Variants in ACAD8 observed in about 807,000 individuals in gnomAD.
ACAD8 encodes the protein acyl-CoA dehydrogenase family member 8, also known as isobutyryl-CoA dehydrogenase, mitochondrial.
A neutral mutation model predicts 53.1 loss-of-function variants in ACAD8; 47 were observed. That is an observed-to-expected ratio of 0.89 (90% CI 0.70 to 1.13). The LOEUF (loss-of-function observed/expected upper bound fraction) is 1.13, where lower values mean the gene tolerates loss of function less well. ACAD8 is among the 50% of genes most tolerant of loss of function. The probability of loss-of-function intolerance (pLI) is 0.00; values close to 1 mark genes in which losing one functional copy is unlikely to be tolerated. For missense variants in ACAD8, 494 were observed against 535.0 expected, an observed-to-expected ratio of 0.92 and a Z score of 0.76; for synonymous variants, 198 against 201.3, an observed-to-expected ratio of 0.98 and a Z score of 0.14.
At chr11:134,260,211 G>A in intron 6 of ACAD8, 2 of 1,088,846 alleles carry the variant, frequency 1.8e-6, no homozygotes, top group East Asian at 1.5e-4. Context: ...CTTAGGTACT[G>A]TAAGTAATTT....
intron 10 of ACAD8, chr11:134,264,181 T>A (rs1393256905): frequency 2.2e-5 from 9 of 401,236 alleles, no homozygotes; most frequent in Non-Finnish European, 3.0e-5. Context: ...CCCGACTGTC[T>A]AAAATTATAA....
chr11:134,255,194 T>G (rs1939436046), intron 1 of ACAD8, among the ~76,000 whole-genome samples: 1 of 152,202 alleles, frequency 6.6e-6, no homozygotes, highest in Admixed American at 6.5e-5. Context: ...TGGAGTACAG[T>G]GGTGCGATCT....
At chr11:134,260,855 G>C in intron 6 of ACAD8, 189 bp from the exon 7 acceptor site, 2 of 638,798 alleles carry the variant, frequency 3.1e-6, no homozygotes, top group East Asian at 5.5e-5. Flanking sequence ...AAAATGTTTA[G>C]CTGAAACAGG....
rs752588911 is a variant in ACAD8, at chr11:134,265,196, T to A, written c.*236T>A. On this transcript the variant is annotated 3_prime_UTR_variant, in exon 11 of 11. Coordinates refer to ENST00000281182, the MANE Select transcript of ACAD8 (RefSeq NM_014384.3). ...AAACATCAGAAGAACACATACTACC[T>A]TGTTTTCCTAATGCCAGAAGGGTGA... The A allele has an allele frequency of 4.7e-5, 27 of 575,152 alleles. No individual in the cohort carries two copies. Among genetic ancestry groups the A allele is most frequent in the Non-Finnish European group, 7.4e-5 (24 of 323,440 alleles). 35.6% of individuals were successfully genotyped at this position (575,152 alleles called of 1,614,324 possible).
rs950055547 is a variant in ACAD8 at position 134,261,256 on chromosome 11, C to T, written c.842-19C>T. The T allele has an allele frequency of 2.3e-5, 37 of 1,613,928 alleles. No individual in the cohort carries two copies. The highest frequency in any genetic ancestry group is 2.0e-4 in the Admixed American group (12 of 60,010). The stretch of plus-strand genomic sequence containing the variant: ...CTGTTTTCCAGCTTGGTTGGAACGT[C>T]GGCGCTCTTCCCCTCTAGCTTCCTG... On this transcript the variant is annotated intron_variant, in intron 7 of 10. Transcript: ENST00000281182. The surrounding 1 kb of genome is among the most constrained non-coding windows in gnomAD (Gnocchi z 4.2).
chr11:134,261,857 G>A lies in ACAD8; in HGVS notation c.1059G>A (p.Met353Ile). The A allele has an allele frequency of 6.2e-7, 1 of 1,614,156 alleles. No homozygotes were observed. The highest frequency in any genetic ancestry group is 1.1e-5 in the South Asian group (1 of 91,078). The change falls in exon 9 of 11, where the codon ATG (methionine) becomes ATA (isoleucine). Residue 353 changes from methionine to isoleucine, a missense_variant. By Grantham distance (10) the Met-to-Ile change is conservative (BLOSUM62 1). Coordinates refer to ENST00000281182, the MANE Select transcript of ACAD8 (RefSeq NM_014384.3). This position sits in a 1 kb window ranked among gnomAD's most constrained non-coding sequence, Gnocchi z 4.2. ...ERKDAVALCS[M>I]AKLFATDECF... The stretch of plus-strand genomic sequence containing the variant: ...AGGATGCAGTGGCCTTGTGCTCCAT[G>A]GCCAAGCTCTTTGCTACAGATGAAT...
At chr11:134,256,518 C>A in intron 1 of ACAD8, 30 bp from the exon 2 acceptor site, 1 of 1,590,758 alleles carries the variant, frequency 6.3e-7, no homozygotes, top group Admixed American at 1.7e-5. Context: ...TGACCCTGTC[C>A]TAGAACAGTA....
intron 6 of ACAD8, chr11:134,259,980 G>C (rs931596089): frequency 1.5e-6 from 2 of 1,372,810 alleles, no homozygotes; most frequent in Non-Finnish European, 1.9e-6. Context: ...CCACCTGTGA[G>C]TGTTCTGACC....
chr11:134,258,910 G>A, intron 4 of ACAD8, 98 bp from the exon 5 acceptor site: 1 of 1,104,904 alleles, frequency 9.1e-7, no homozygotes, highest in South Asian at 1.2e-5. Context: ...AGCAGGGTCT[G>A]TTTAGAGAAG....
intron 10 of ACAD8, chr11:134,264,131 G>T (rs1309375888): frequency 1.2e-6 from 1 of 864,294 alleles, no homozygotes; most frequent in African/African-American, 1.8e-5. Flanking sequence ...GATCGCGTGA[G>T]GCCAGGAGTT....
chr11:134,261,324 C>G lies in ACAD8; in HGVS notation c.891C>G (p.Asp297Glu). The change falls in exon 8 of 11, where the codon GAC becomes GAG. Residue 297 changes from aspartate (D) to glutamate (E), a missense_variant. Transcript: ENST00000281182. The surrounding 1 kb of genome is among the most constrained non-coding windows in gnomAD (Gnocchi z 4.2). Reference sequence around the variant, plus strand: ...ACGCCTCTGTCATCCTCACCCGAGACCACCTCAATGTCCGGAAGCAGTTTG... The same window carrying G: ...ACGCCTCTGTCATCCTCACCCGAGAGCACCTCAATGTCCGGAAGCAGTTTG... ...AAHASVILTR[D>E]HLNVRKQFGE... 6.2e-7 allele frequency: 1 copy of G among 1,614,206 alleles called. No individual in the cohort carries two copies. The highest frequency in any genetic ancestry group is 2.2e-5 in the East Asian group (1 of 44,868).
chr11:134,258,658 G>A (rs780776705), intron 4 of ACAD8, 34 bp downstream of exon 4: 2 of 1,482,226 alleles, frequency 1.3e-6, no homozygotes, highest in South Asian at 2.3e-5. Context: ...GATATAGCAG[G>A]GAGAGATGCT....
intron 5 of ACAD8, 48 bp from the exon 6 acceptor site, chr11:134,259,560 A>G: frequency 6.2e-7 from 1 of 1,613,272 alleles, no homozygotes; most frequent in Non-Finnish European, 8.5e-7. Flanking sequence ...AGACGCTGTG[A>G]GAACTCAAGC....
chr11:134,254,664 A>G (rs904622049), intron 1 of ACAD8, among the ~76,000 whole-genome samples: 5 of 152,190 alleles, frequency 3.3e-5, no homozygotes, highest in African/African-American at 9.7e-5. Context: ...GATAACCCAG[A>G]TTACCCTGGT....
chr11:134,253,809 G>A, intron 1 of ACAD8, 100 bp downstream of exon 1: 1 of 1,258,118 alleles, frequency 7.9e-7, no homozygotes, highest in Non-Finnish European at 1.1e-6. Flanking sequence ...AGTCACCCCG[G>A]CGTCAGCTCC....
rs373137884 is a variant in ACAD8 at position 134,258,956 on chromosome 11, G to A, written c.491-52G>A. On this transcript the variant is annotated intron_variant, in intron 4 of 10. Transcript: ENST00000281182. ...AGATAGAATTGTGCTGGGCTCCCTC[G>A]ACCTCACTGACTTTCTCACCTTCTC... The A allele has an allele frequency of 1.3e-4, 191 of 1,451,644 alleles. No homozygotes were observed. The East Asian group carries it at 3.1e-3, about 23-fold the overall frequency. The allele number at this position is 1,451,644 out of a possible 1,614,324, so 89.9% of individuals were successfully genotyped here.
At chr11:134,263,154 G>A (rs997852930) in intron 10 of ACAD8, 31 of 1,074,084 alleles carry the variant, frequency 2.9e-5, no homozygotes, top group South Asian at 2.4e-4. Flanking sequence ...CATGGAAGCC[G>A]TTGGGGTCGG....
chr11:134,256,321 C>G (rs970822288), intron 1 of ACAD8, among the ~76,000 whole-genome samples: 3 of 152,244 alleles, frequency 2.0e-5, no homozygotes, highest in African/African-American at 7.2e-5. Context: ...CTGGAAGTCC[C>G]CTATCCTGTT....
intron 9 of ACAD8, 23 bp from the exon 10 acceptor site, chr11:134,262,497 G>A (rs565432685): frequency 1.6e-5 from 25 of 1,555,850 alleles, no homozygotes; most frequent in South Asian, 1.1e-4. Flanking sequence ...AGTCCAAGAC[G>A]TCTAGTCCCT....
Sources: allele counts gnomAD v4.1 joint callset (sites outside exome capture counted in the v4.1 genomes callset), GRCh38; gene constraint gnomAD v4.1.1; non-coding constraint Gnocchi (gnomAD v3.1); transcripts MANE v1.5; gene names NCBI Gene and HGNC (gene_info 2026-07-23, HGNC 2026-07-21).